ELL: variants seen among roughly 807,000 people sequenced by gnomAD.
ELL encodes the protein RNA polymerase II elongation factor ELL.
In ELL, 18 loss-of-function variants were observed where a neutral mutation model predicts 64.0. The ratio of observed to expected loss-of-function variants is 0.28; its 90% CI spans 0.19 to 0.42. ELL has a LOEUF of 0.42. Among genes scored for constraint, ELL ranks in the 10% least tolerant of loss-of-function variants. The pLI is 1.00. For missense variants in ELL, 797 were observed against 870.4 expected (o/e 0.92, Z 1.06); for synonymous variants, 399 against 376.2 (o/e 1.06, Z -0.70).
At chr19:18,493,744 G>C in intron 1 of ELL, among the ~76,000 whole-genome samples, 1 of 152,328 alleles carries the variant, frequency 6.6e-6, no homozygotes, top group African/African-American at 2.4e-5. Flanking sequence ...ACAGGGGCTA[G>C]GGAAGAAAGT....
intron 6 of ELL, among the ~76,000 whole-genome samples, 181 bp from the exon 7 acceptor site, chr19:18,451,829 A>ACCCAAAGGAGGACTTCC (rs1455887600): frequency 6.6e-6 from 1 of 152,112 alleles, no homozygotes; most frequent in Non-Finnish European, 1.5e-5. Context: ...CCCCGACTTC[A>ACCCAAAGGAGGACTTCC]CCCAAAGGAG....
At chr19:18,510,518 C>T (rs891416348) in intron 1 of ELL, among the ~76,000 whole-genome samples, 10 of 152,214 alleles carry the variant, frequency 6.6e-5, no homozygotes, top group Non-Finnish European at 1.5e-4. Flanking sequence ...CTGTCCCTTT[C>T]TCTCACCTGA....
intron 1 of ELL, chr19:18,473,105 C>A: frequency 1.5e-6 from 1 of 678,408 alleles, no homozygotes; most frequent in South Asian, 1.6e-5. Flanking sequence ...GGGCTGGGGA[C>A]ACATGACAGG....
intron 1 of ELL, among the ~76,000 whole-genome samples, chr19:18,511,731 G>C (rs1431000037): frequency 6.6e-6 from 1 of 151,996 alleles, no homozygotes; most frequent in Non-Finnish European, 1.5e-5. Flanking sequence ...AAGAAACCAG[G>C]AAGCTGGCCA....
chr19:18,518,526 A>G (rs1481680712), intron 1 of ELL, among the ~76,000 whole-genome samples: 1 of 151,148 alleles, frequency 6.6e-6, no homozygotes, highest in Non-Finnish European at 1.5e-5. Context: ...GTGGCGACTC[A>G]AGCTTATAAT....
At chr19:18,462,358 TGTGTGTTTGGGCGGG>T in intron 4 of ELL, among the ~76,000 whole-genome samples, 1 of 62,286 alleles carries the variant, frequency 1.6e-5, no homozygotes, top group Non-Finnish European at 2.6e-5. Flanking sequence ...TGTGTGTGTG[TGTGTGTTTGGGCGGG>T]GGGCGGGGGG....
rs774576152 is a variant in ELL at position 18,472,850 on chromosome 19, A to G, written c.168T>C (p.Phe56=). The part of the protein sequence containing the change: ...DSVSLRPSIR[F]QGSQGHISIP... ...AAAAACTTACCCCTTGGCTTCCTTG[A>G]AATCGGATAGATGGCCTCAGTGAAA... The change falls in exon 2 of 12, where the codon TTT becomes TTC. Residue 56 remains phenylalanine (F), a synonymous_variant. Coordinates refer to ENST00000262809, the MANE Select transcript of ELL (RefSeq NM_006532.4). The G allele has an allele frequency of 3.7e-6, 6 of 1,605,080 alleles. No homozygotes were observed. The Admixed American group carries it at 8.5e-5, about 23-fold the overall frequency.
At position 18,465,929 on chromosome 19, in the gene ELL, G is replaced by C. The variant is rs778685571; in HGVS notation, c.184-11C>G. The C allele has an allele frequency of 4.6e-6, 6 of 1,298,380 alleles. No homozygotes were observed. The highest frequency in any genetic ancestry group is 4.5e-5 in the African/African-American group (3 of 66,246). The allele number at this position is 1,298,380 out of a possible 1,614,324, so 80.4% of individuals were successfully genotyped here. A position where few individuals can be genotyped will look rare whatever the true frequency, so the allele number is the denominator to read the frequency against. On this transcript the variant is annotated splice_polypyrimidine_tract_variant and intron_variant, in intron 2 of 11. Coordinates refer to ENST00000262809, the MANE Select transcript of ELL (RefSeq NM_006532.4). ...GGGGATGGAGATGTGCTGCGTGGAG[G>C]GGGAGGGGGTGTCACTGGGAGGTCC...
intron 5 of ELL, among the ~76,000 whole-genome samples, chr19:18,459,382 G>C (rs1428055507): frequency 6.6e-6 from 1 of 152,216 alleles, no homozygotes; most frequent in Non-Finnish European, 1.5e-5. Context: ...ATCTGAGGAA[G>C]CTCCAGGTCA....
At chr19:18,474,979 C>A (rs935786738) in intron 1 of ELL, among the ~76,000 whole-genome samples, 10 of 152,108 alleles carry the variant, frequency 6.6e-5, no homozygotes, top group African/African-American at 2.4e-4. Context: ...CAAAAATTAG[C>A]TGGGCGTGGC....
At chr19:18,514,248 C>T (rs1039417003) in intron 1 of ELL, among the ~76,000 whole-genome samples, 2 of 151,792 alleles carry the variant, frequency 1.3e-5, no homozygotes, top group African/African-American at 2.4e-5. Flanking sequence ...CACGGTGGCT[C>T]GCACCTGTTA....
Position 18,461,645 on chromosome 19 carries a change from A to T in ELL, c.677T>A (p.Leu226Gln), listed in dbSNP as rs1206046908. 6.2e-7 allele frequency: 1 copy of T among 1,612,254 alleles called. No homozygotes were observed. Among genetic ancestry groups the T allele is most frequent in the Non-Finnish European group, 8.5e-7 (1 of 1,179,980 alleles). Residue 226 changes from leucine (L) to glutamine (Q), a missense_variant, in exon 5 of 12, where the codon CTG (leucine) becomes CAG (glutamine). Coordinates refer to ENST00000262809, the MANE Select transcript of ELL (RefSeq NM_006532.4). ...ALRPYRKAEL[L>Q]LRLQKDGLTQ... ...CAGGCCGTCCTTCTGCAGTCGCAGC[A>T]GCAGCTCAGCCTTGCGGTAGGGCCG...
intron 1 of ELL, among the ~76,000 whole-genome samples, chr19:18,488,024 G>A (rs1213656892): frequency 1.3e-5 from 2 of 152,168 alleles, no homozygotes; most frequent in East Asian, 1.9e-4. Context: ...AGTGTCCACC[G>A]TGGTCTCTGC....
At chr19:18,476,666 T>A (rs1975184178) in intron 1 of ELL, among the ~76,000 whole-genome samples, 1 of 152,180 alleles carries the variant, frequency 6.6e-6, no homozygotes, top group Admixed American at 6.5e-5. Flanking sequence ...AGAGCCAGCC[T>A]TTCTCTATGA....
At chr19:18,475,287 T>TA (rs887626914) in intron 1 of ELL, among the ~76,000 whole-genome samples, 84 of 151,074 alleles carry the variant, frequency 5.6e-4, no homozygotes, top group Non-Finnish European at 9.3e-4. Context: ...TTTTAAAAAA[T>TA]AAAAAAAAAC....
At chr19:18,466,044 A>C in intron 2 of ELL, 126 bp from the exon 3 acceptor site, 1 of 944,836 alleles carries the variant, frequency 1.1e-6, no homozygotes, top group East Asian at 3.3e-5. Context: ...CTTTTCCCTA[A>C]AACACACCCC....
At chr19:18,446,984 C>T (rs1362677984) in intron 8 of ELL, among the ~76,000 whole-genome samples, 170 bp from the exon 9 acceptor site, 1 of 152,214 alleles carries the variant, frequency 6.6e-6, no homozygotes, top group Non-Finnish European at 1.5e-5. Flanking sequence ...GCCCCTCGCA[C>T]CTGGCAACTG....
chr19:18,510,409 G>A (rs540858204), intron 1 of ELL, among the ~76,000 whole-genome samples: 7 of 152,272 alleles, frequency 4.6e-5, no homozygotes, highest in African/African-American at 9.6e-5. Context: ...AACACAGGCC[G>A]GGCAACCGCA....
In ELL at chr19:18,509,606, C is replaced by T. The variant is rs1377125616; in HGVS notation, c.135+12315G>A. On this transcript the variant is annotated intron_variant, in intron 1 of 11. Transcript: ENST00000262809. Reference sequence around the variant, plus strand: ...GTGCGCGCGCGCGCACATACACACACACACACACACACACACACACACACA... The same window carrying T: ...GTGCGCGCGCGCGCACATACACACATACACACACACACACACACACACACA... Among the ~76,000 whole-genome samples, 30 of 36,766 alleles carry T rather than the reference C, an allele frequency of 8.2e-4. 3 individuals are homozygous for T. The African/African-American group carries it at 9.1e-3, about 11-fold the overall frequency. 24.1% of individuals were successfully genotyped at this position (36,766 alleles called of 152,430 possible).
Sources: gnomAD v4.1 joint callset for allele counts (sites outside exome capture counted in the v4.1 genomes callset) on GRCh38, gnomAD v4.1.1 for gene constraint, MANE v1.5 for transcripts, NCBI Gene and HGNC (gene_info 2026-07-23, HGNC 2026-07-21) for gene names.